The following DRD2 variants were observed in gnomAD, a reference collection of about 807,000 sequenced individuals.
The protein encoded by DRD2 is D(2) dopamine receptor.
DRD2 carries 8 observed loss-of-function variants against 38.0 expected under a neutral mutation model. The ratio of observed to expected loss-of-function variants is 0.21; its 90% CI spans 0.12 to 0.38. DRD2 has a LOEUF of 0.38. Among genes scored for constraint, DRD2 ranks in the 10% least tolerant of loss-of-function variants. The pLI is 1.00. For missense variants in DRD2, 403 were observed against 607.7 expected (o/e 0.66, Z 3.54); for synonymous variants, 230 against 238.6 (o/e 0.96, Z 0.33).
intron 1 of DRD2, among the ~76,000 whole-genome samples, chr11:113,446,281 G>A (rs1025738160): frequency 2.6e-5 from 4 of 152,050 alleles, no homozygotes; most frequent in Non-Finnish European, 4.4e-5. Context: ...TTAGAGTCAC[G>A]TCTGCTGAAA....
At chr11:113,439,080 G>T (rs1951063443) in intron 1 of DRD2, among the ~76,000 whole-genome samples, 1 of 152,204 alleles carries the variant, frequency 6.6e-6, no homozygotes. Flanking sequence ...TGTGAATGTA[G>T]TGTATTATTA....
At chr11:113,467,039 C>A in intron 1 of DRD2, among the ~76,000 whole-genome samples, 1 of 152,092 alleles carries the variant, frequency 6.6e-6, no homozygotes. Flanking sequence ...ATGGATCCAC[C>A]GTGGTGCGGG....
chr11:113,410,966 C>T (rs781395587), intron 7 of DRD2, 46 bp from the exon 8 acceptor site: 6 of 1,577,002 alleles, frequency 3.8e-6, no homozygotes, highest in African/African-American at 1.3e-5. Context: ...GCCGGGGAGG[C>T]ACGGCTGGGA....
chr11:113,467,820 C>T (rs1951384736), intron 1 of DRD2, among the ~76,000 whole-genome samples: 1 of 152,186 alleles, frequency 6.6e-6, no homozygotes. Context: ...AAAGGGATGA[C>T]AAGCAATTCA....
chr11:113,458,389 C>T (rs901023632), intron 1 of DRD2, among the ~76,000 whole-genome samples: 1 of 64,868 alleles, frequency 1.5e-5, no homozygotes, highest in Non-Finnish European at 5.4e-5. Context: ...CTACAAATAT[C>T]ACCAGAAAAA....
intron 1 of DRD2, among the ~76,000 whole-genome samples, chr11:113,437,367 C>T (rs755543239): frequency 1.6e-4 from 24 of 152,270 alleles, no homozygotes; most frequent in Admixed American, 4.6e-4. Context: ...GGCACATCTA[C>T]ACGGTTCCTT....
intron 1 of DRD2, among the ~76,000 whole-genome samples, chr11:113,471,128 C>T (rs959297432): frequency 6.6e-6 from 1 of 152,154 alleles, no homozygotes; most frequent in Non-Finnish European, 1.5e-5. Context: ...CTCCTCCATC[C>T]CCATGTGCTG....
At chr11:113,413,643 CT>C (rs1157577375) in intron 6 of DRD2, among the ~76,000 whole-genome samples, 2 of 152,220 alleles carry the variant, frequency 1.3e-5, no homozygotes. Context: ...GAGTCCTGCC[CT>C]TGCAGTGCAG....
chr11:113,467,408 C>T (rs920045238), intron 1 of DRD2, among the ~76,000 whole-genome samples: 1 of 152,198 alleles, frequency 6.6e-6, no homozygotes, highest in Admixed American at 6.5e-5. Context: ...TTTCCATCCT[C>T]CTTTCTCAGG....
intron 1 of DRD2, among the ~76,000 whole-genome samples, chr11:113,432,288 TTCTCTCTCTCTCTCTCTCTCTC>T (rs56097058): frequency 7.3e-6 from 1 of 136,258 alleles, no homozygotes; most frequent in Non-Finnish European, 1.6e-5. Context: ...GATCCTCTCT[TTCTCTCTCTCTCTCTCTCTCTC>T]TCTCTCTCTC....
At chr11:113,425,897 C>A (rs1079596) in intron 1 of DRD2, among the ~76,000 whole-genome samples, 1 of 151,752 alleles carries the variant, frequency 6.6e-6, no homozygotes, top group Admixed American at 6.6e-5. Flanking sequence ...ATGGCAGTAA[C>A]GTTGAGGATA....
chr11:113,467,273 G>C (rs1213325525), intron 1 of DRD2, among the ~76,000 whole-genome samples: 1 of 152,138 alleles, frequency 6.6e-6, no homozygotes, highest in East Asian at 1.9e-4. Context: ...TTTGTAGCTG[G>C]CCAGAAATAG....
chr11:113,466,098 T>A (rs1337076135), intron 1 of DRD2, among the ~76,000 whole-genome samples: 1 of 152,206 alleles, frequency 6.6e-6, no homozygotes, highest in African/African-American at 2.4e-5. Flanking sequence ...TCATGACCGA[T>A]AGAACAAAGA....
intron 2 of DRD2, among the ~76,000 whole-genome samples, chr11:113,423,838 G>T (rs1950909210): frequency 6.6e-6 from 1 of 152,196 alleles, no homozygotes; most frequent in African/African-American, 2.4e-5. Flanking sequence ...AGGGGATATG[G>T]GGAGCATAAA....
intron 1 of DRD2, among the ~76,000 whole-genome samples, chr11:113,462,741 G>C (rs768215645): frequency 6.6e-6 from 1 of 152,228 alleles, no homozygotes; most frequent in Non-Finnish European, 1.5e-5. Context: ...AGCCCACACA[G>C]GTGGGCAGCC....
rs76985854 is a variant in DRD2, at chr11:113,424,360, C to A, written c.285+7G>T. The A allele has an allele frequency of 1.2e-6, 2 of 1,613,712 alleles. No individual in the cohort carries two copies. Among genetic ancestry groups the A allele is most frequent in the Non-Finnish European group, 1.7e-6 (2 of 1,179,900 alleles). ...AAAGTGCTGGAGCAAGCAGGGGGCC[C>A]ACCTACCTCCAGGTAGACAACCCAG... On this transcript the variant is annotated splice_region_variant and intron_variant, in intron 2 of 7. Coordinates refer to ENST00000362072, the MANE Select transcript of DRD2 (RefSeq NM_000795.4).
chr11:113,461,587 G>A (rs1951319508), intron 1 of DRD2, among the ~76,000 whole-genome samples: 1 of 152,196 alleles, frequency 6.6e-6, no homozygotes. Flanking sequence ...ATTGCTTTGT[G>A]TGAGGCATGG....
intron 2 of DRD2, among the ~76,000 whole-genome samples, chr11:113,419,607 T>G (rs1293732793): frequency 6.6e-6 from 1 of 151,020 alleles, no homozygotes; most frequent in Non-Finnish European, 1.5e-5. Flanking sequence ...CCCAGTTCCC[T>G]GAGGATGGAG....
intron 1 of DRD2, among the ~76,000 whole-genome samples, chr11:113,445,053 T>G (rs1160445663): frequency 6.6e-6 from 1 of 152,186 alleles, no homozygotes; most frequent in Non-Finnish European, 1.5e-5. Flanking sequence ...AACTCAGTGC[T>G]GCACACTCCA....
Sources: allele counts gnomAD v4.1 joint callset (sites outside exome capture counted in the v4.1 genomes callset), GRCh38; gene constraint gnomAD v4.1.1; transcripts MANE v1.5; gene names NCBI Gene and HGNC (gene_info 2026-07-23, HGNC 2026-07-21).